Variants in GRIN3A observed in about 807,000 individuals in gnomAD.
GRIN3A encodes the protein glutamate receptor ionotropic, NMDA 3A.
In GRIN3A, 47 loss-of-function variants were observed where a neutral mutation model predicts 92.4. The observed-to-expected ratio is 0.51, with a 90% CI of 0.40 to 0.65. The LOEUF is 0.65. Among genes scored for constraint, GRIN3A ranks in the 30% least tolerant of loss-of-function variants. The pLI, the probability that GRIN3A is intolerant of heterozygous loss-of-function variation, is 0.00. For missense variants in GRIN3A, 1,324 were observed against 1,393.1 expected, an observed-to-expected ratio of 0.95 and a Z score of 0.79; for synonymous variants, 527 against 540.6, an observed-to-expected ratio of 0.97 and a Z score of 0.35.
intron 2 of GRIN3A, among the ~76,000 whole-genome samples, chr9:101,685,005 C>G (rs1829514780): frequency 2.6e-5 from 4 of 151,776 alleles, no homozygotes; most frequent in Admixed American, 2.6e-4. Context: ...TGGAGAGTGG[C>G]TATAAAATAA....
At chr9:101,665,224 C>T (rs972805066) in intron 3 of GRIN3A, among the ~76,000 whole-genome samples, 1 of 151,850 alleles carries the variant, frequency 6.6e-6, no homozygotes, top group Non-Finnish European at 1.5e-5. Flanking sequence ...TGGATCGCCT[C>T]TAAGAGGTAA....
At chr9:101,734,994 A>C (rs1451720917) in intron 1 of GRIN3A, among the ~76,000 whole-genome samples, 1 of 151,912 alleles carries the variant, frequency 6.6e-6, no homozygotes, top group Non-Finnish European at 1.5e-5. Context: ...ACATCACTGC[A>C]TTAGAGGAAG....
intron 6 of GRIN3A, among the ~76,000 whole-genome samples, chr9:101,587,187 G>A (rs1827960740): frequency 1.3e-5 from 2 of 151,892 alleles, no homozygotes; most frequent in Non-Finnish European, 2.9e-5. Context: ...GCAGGTGCCT[G>A]TAGTTCCAGC....
intron 1 of GRIN3A, among the ~76,000 whole-genome samples, chr9:101,701,396 T>TATAC (rs1020407067): frequency 1.3e-5 from 2 of 152,162 alleles, no homozygotes; most frequent in African/African-American, 4.8e-5. Flanking sequence ...GGCTGCTGTG[T>TATAC]GTATTGTTCC....
At chr9:101,593,328 G>A (rs41282159) in intron 6 of GRIN3A, 1 of 152,176 alleles carries the variant, frequency 6.6e-6, no homozygotes, top group Non-Finnish European at 1.5e-5. Context: ...TAGGGAAAAG[G>A]CTTCCTGGAA....
Position 101,677,078 on chromosome 9 carries a change from G to C in GRIN3A, c.1305-5971C>G, listed in dbSNP as rs142140883. Among the ~76,000 whole-genome samples the C allele has an allele frequency of 1.5e-3, 232 of 150,864 alleles. 4 individuals carry two copies. The highest frequency in any genetic ancestry group is 5.5e-3 in the African/African-American group (225 of 41,146). ...AGAGCCCTAAGCTATTCTCTCTTTGGATTGTCTTTTAGAACTCTTACAGCC... is the reference window on the plus strand; with the variant it reads ...AGAGCCCTAAGCTATTCTCTCTTTGCATTGTCTTTTAGAACTCTTACAGCC... On this transcript the variant is annotated intron_variant, in intron 2 of 8. Coordinates refer to ENST00000361820, the MANE Select transcript of GRIN3A (RefSeq NM_133445.3).
intron 6 of GRIN3A, chr9:101,601,163 G>A (rs1326312138): frequency 6.6e-6 from 1 of 152,214 alleles, no homozygotes; most frequent in Non-Finnish European, 1.5e-5. Flanking sequence ...AAGTGGGAAA[G>A]AGTACAGGTG....
At chr9:101,585,696 C>T (rs1827942511) in intron 6 of GRIN3A, among the ~76,000 whole-genome samples, 1 of 152,158 alleles carries the variant, frequency 6.6e-6, no homozygotes, top group South Asian at 2.1e-4. Context: ...AACATCCCAC[C>T]ACCTCCACCA....
intron 1 of GRIN3A, among the ~76,000 whole-genome samples, chr9:101,733,867 TA>T (rs1588302554): frequency 6.6e-6 from 1 of 152,196 alleles, no homozygotes; most frequent in East Asian, 1.9e-4. Context: ...TTTTTTTAAT[TA>T]AAAAATTTTT....
At chr9:101,584,098 C>T (rs984632656) in intron 6 of GRIN3A, among the ~76,000 whole-genome samples, 14 of 152,202 alleles carry the variant, frequency 9.2e-5, no homozygotes, top group East Asian at 3.9e-4. Flanking sequence ...GTAATCTGCC[C>T]GCCTCAGCCT....
At chr9:101,656,251 T>G (rs1298912145) in intron 3 of GRIN3A, among the ~76,000 whole-genome samples, 2 of 151,820 alleles carry the variant, frequency 1.3e-5, no homozygotes, top group African/African-American at 4.8e-5. Context: ...GAATTCTGGG[T>G]GAACAATGAA....
At chr9:101,669,400 G>T (rs1829286034) in intron 3 of GRIN3A, among the ~76,000 whole-genome samples, 1 of 152,046 alleles carries the variant, frequency 6.6e-6, no homozygotes, top group Non-Finnish European at 1.5e-5. Context: ...AGGATATCAA[G>T]GGTACCCTGG....
intron 2 of GRIN3A, among the ~76,000 whole-genome samples, chr9:101,673,947 A>T (rs1006552503): frequency 1.3e-5 from 2 of 152,096 alleles, no homozygotes; most frequent in Non-Finnish European, 2.9e-5. Context: ...GAGCAAGAGC[A>T]CCTGCACATT....
chr9:101,707,302 G>A (rs186062281), intron 1 of GRIN3A, among the ~76,000 whole-genome samples: 50 of 152,320 alleles, frequency 3.3e-4, no homozygotes, highest in African/African-American at 1.1e-3. Flanking sequence ...AGACATGCTG[G>A]CTGGATAAAT....
intron 6 of GRIN3A, 35 bp from the exon 7 acceptor site, chr9:101,579,395 CA>C (rs1363793204): frequency 6.2e-7 from 1 of 1,604,992 alleles, no homozygotes; most frequent in African/African-American, 1.3e-5. Context: ...GCCATGAATA[CA>C]ATGATATACC....
intron 3 of GRIN3A, among the ~76,000 whole-genome samples, chr9:101,637,962 A>G (rs1158174285): frequency 6.7e-6 from 1 of 148,728 alleles, no homozygotes; most frequent in Non-Finnish European, 1.5e-5. Context: ...CCACCTGAAT[A>G]TGGCTAATAA....
intron 3 of GRIN3A, among the ~76,000 whole-genome samples, chr9:101,659,753 A>G (rs1371610849): frequency 2.6e-5 from 4 of 151,998 alleles, no homozygotes; most frequent in South Asian, 2.1e-4. Flanking sequence ...TTAGACTTTC[A>G]TTAAGGCAAA....
chr9:101,648,101 G>C (rs1299245634), intron 3 of GRIN3A, among the ~76,000 whole-genome samples: 1 of 151,694 alleles, frequency 6.6e-6, no homozygotes, highest in Non-Finnish European at 1.5e-5. Context: ...TGTGTTTATT[G>C]CTGTAAACTT....
chr9:101,687,238 A>T (rs780086527), intron 1 of GRIN3A, 38 bp from the exon 2 acceptor site: 6 of 1,610,470 alleles, frequency 3.7e-6, no homozygotes, highest in Non-Finnish European at 5.1e-6. Context: ...ATTAGAAAGC[A>T]TTGGCCAAAG....
Sources: gnomAD v4.1 joint callset for allele counts (sites outside exome capture counted in the v4.1 genomes callset) on GRCh38, gnomAD v4.1.1 for gene constraint, MANE v1.5 for transcripts, NCBI Gene and HGNC (gene_info 2026-07-23, HGNC 2026-07-21) for gene names.